The following LIMCH1 variants were observed in gnomAD, a reference collection of about 807,000 sequenced individuals.
LIMCH1 encodes the protein LIM and calponin homology domains-containing protein 1.
Under a neutral mutation model 176.5 loss-of-function variants are expected in LIMCH1, and 113 were observed. The ratio of observed to expected loss-of-function variants is 0.64; its 90% CI spans 0.55 to 0.75. LIMCH1 has a LOEUF of 0.75. LIMCH1 is among the 30% of genes least tolerant of loss of function. LIMCH1 has a pLI of 0.00. For missense variants in LIMCH1, 1,674 were observed against 1,814.9 expected (o/e 0.92, Z 1.41); for synonymous variants, 619 against 645.9 (o/e 0.96, Z 0.63).
At chr4:41,404,426 G>A (rs2154119498) in intron 1 of LIMCH1, among the ~76,000 whole-genome samples, 1 of 152,236 alleles carries the variant, frequency 6.6e-6, no homozygotes, top group Middle Eastern at 3.4e-3. Context: ...TTAAGGTGGG[G>A]GCAGTGCCAA....
chr4:41,593,801 G>A (rs922232603), intron 1 of LIMCH1, among the ~76,000 whole-genome samples: 1 of 152,170 alleles, frequency 6.6e-6, no homozygotes, highest in Non-Finnish European at 1.5e-5. Flanking sequence ...TGGCCCACAA[G>A]GCCTAAAAGA....
chr4:41,623,530 G>A (rs1224818429), intron 7 of LIMCH1, among the ~76,000 whole-genome samples: 2 of 152,154 alleles, frequency 1.3e-5, no homozygotes, highest in Non-Finnish European at 2.9e-5. Flanking sequence ...GGCCGAGGCG[G>A]GCGGATCACT....
At chr4:41,515,791 TC>T (rs1257641484) in intron 2 of LIMCH1, among the ~76,000 whole-genome samples, 1 of 152,170 alleles carries the variant, frequency 6.6e-6, no homozygotes, top group Non-Finnish European at 1.5e-5. Flanking sequence ...ATCCTGGAAC[TC>T]TTTGTTCTGA....
At chr4:41,602,241 T>A (rs1408488694) in intron 2 of LIMCH1, among the ~76,000 whole-genome samples, 1 of 151,150 alleles carries the variant, frequency 6.6e-6, no homozygotes, top group Non-Finnish European at 1.5e-5. Context: ...GAAATGAAAG[T>A]GTAATCTAGA....
At chr4:41,431,554 G>A (rs1399778124) in intron 1 of LIMCH1, among the ~76,000 whole-genome samples, 2 of 152,150 alleles carry the variant, frequency 1.3e-5, no homozygotes, top group African/African-American at 4.8e-5. Flanking sequence ...TATCTCATGG[G>A]ACTACATCAA....
At chr4:41,545,638 T>C (rs1054433869) in intron 1 of LIMCH1, among the ~76,000 whole-genome samples, 5 of 152,256 alleles carry the variant, frequency 3.3e-5, no homozygotes, top group African/African-American at 1.2e-4. Context: ...GCAACTTGAG[T>C]TATAGGGTTG....
intron 1 of LIMCH1, among the ~76,000 whole-genome samples, chr4:41,433,191 C>T (rs2061751976): frequency 6.6e-6 from 1 of 152,152 alleles, no homozygotes; most frequent in Non-Finnish European, 1.5e-5. Flanking sequence ...AAAAACAAAG[C>T]ACAACAAAAC....
chr4:41,430,039 A>G (rs960775211), intron 1 of LIMCH1, among the ~76,000 whole-genome samples: 8 of 152,208 alleles, frequency 5.3e-5, no homozygotes, highest in Admixed American at 3.3e-4. Context: ...TTCTTGGAGG[A>G]AGGAGAATTG....
At chr4:41,438,927 T>C (rs898912935) in intron 1 of LIMCH1, among the ~76,000 whole-genome samples, 2 of 152,182 alleles carry the variant, frequency 1.3e-5, no homozygotes, top group Non-Finnish European at 2.9e-5. Flanking sequence ...TAATGTACAA[T>C]GCCATGGACC....
chr4:41,642,111 TAAACCA>T (rs58123713), intron 14 of LIMCH1, among the ~76,000 whole-genome samples: 2,553 of 152,302 alleles, frequency 0.017, 40 homozygotes, highest in Non-Finnish European at 0.023. Context: ...CATAGTGGCC[TAAACCA>T]AAATTCTGAC....
upstream of LIMCH1, among the ~76,000 whole-genome samples, chr4:41,535,208 A>G (rs190566644): frequency 3.0e-4 from 45 of 151,630 alleles, no homozygotes; most frequent in African/African-American, 1.0e-3. Flanking sequence ...AGATCTTCAT[A>G]TAATTGACAA....
chr4:41,603,261 C>T (rs925231866), intron 2 of LIMCH1, among the ~76,000 whole-genome samples: 4 of 150,724 alleles, frequency 2.7e-5, no homozygotes, highest in South Asian at 4.1e-4. Flanking sequence ...ATGAATATTT[C>T]GAAGTAGCTT....
intron 2 of LIMCH1, among the ~76,000 whole-genome samples, chr4:41,499,605 G>A (rs1475598845): frequency 1.3e-5 from 2 of 152,188 alleles, no homozygotes; most frequent in African/African-American, 2.4e-5. Flanking sequence ...GGATCATGAG[G>A]TCAAGAGATC....
intron 1 of LIMCH1, among the ~76,000 whole-genome samples, chr4:41,474,994 C>T (rs1289240559): frequency 6.6e-6 from 1 of 151,848 alleles, no homozygotes; most frequent in African/African-American, 2.4e-5. Context: ...AAAAAAAAGC[C>T]AGGAAATTCT....
chr4:41,361,967 C>T (rs2052155404), intron 1 of LIMCH1, among the ~76,000 whole-genome samples: 1 of 152,108 alleles, frequency 6.6e-6, no homozygotes, highest in South Asian at 2.1e-4. Context: ...GGAAGTGTAT[C>T]GCTAAATCAT....
chr4:41,433,449 C>T (rs1315954664), intron 1 of LIMCH1, among the ~76,000 whole-genome samples: 1 of 152,138 alleles, frequency 6.6e-6, no homozygotes, highest in Non-Finnish European at 1.5e-5. Context: ...TTGACTAGTT[C>T]AATTCTGTTC....
At chr4:41,635,850 A>C (rs1220582282) in intron 13 of LIMCH1, among the ~76,000 whole-genome samples, 1 of 152,240 alleles carries the variant, frequency 6.6e-6, no homozygotes, top group Middle Eastern at 3.2e-3. Flanking sequence ...AAAGTTACAT[A>C]AATACAGGCA....
intron 14 of LIMCH1, among the ~76,000 whole-genome samples, chr4:41,642,703 C>T (rs1452915449): frequency 1.4e-5 from 2 of 143,432 alleles, no homozygotes; most frequent in African/African-American, 2.6e-5. Flanking sequence ...GGACTATAGG[C>T]GTGTGCTAGC....
intron 1 of LIMCH1, among the ~76,000 whole-genome samples, chr4:41,371,978 G>A (rs1015455446): frequency 3.9e-5 from 6 of 152,206 alleles, no homozygotes; most frequent in Admixed American, 1.3e-4. Flanking sequence ...TAACACTTGC[G>A]TATTTTGTAC....
Sources: allele counts gnomAD v4.1 joint callset (sites outside exome capture counted in the v4.1 genomes callset), GRCh38; gene constraint gnomAD v4.1.1; transcripts MANE v1.5; gene names NCBI Gene and HGNC (gene_info 2026-07-23, HGNC 2026-07-21).